Variants in SLC24A2 observed in about 807,000 individuals in gnomAD.
SLC24A2 encodes sodium/potassium/calcium exchanger 2.
Under a neutral mutation model 62.0 loss-of-function variants are expected in SLC24A2, and 36 were observed. That is an observed-to-expected ratio of 0.58 (90% confidence interval 0.44 to 0.77). SLC24A2 has a LOEUF of 0.77. SLC24A2 is among the 30% of genes least tolerant of loss of function. SLC24A2 has a pLI of 0.00. For missense variants in SLC24A2, 846 were observed against 817.9 expected, an observed-to-expected ratio of 1.03 and a Z score of -0.42; for synonymous variants, 358 against 294.0, an observed-to-expected ratio of 1.22 and a Z score of -2.23.
intron 4 of SLC24A2, among the ~76,000 whole-genome samples, chr9:19,612,342 G>A (rs569484103): frequency 1.3e-5 from 2 of 152,110 alleles, no homozygotes; most frequent in African/African-American, 2.4e-5. Flanking sequence ...ATTTGTTTTA[G>A]TTTCCTTTTT....
chr9:19,547,616 T>G (rs1454044174), intron 8 of SLC24A2, among the ~76,000 whole-genome samples: 1 of 148,138 alleles, frequency 6.8e-6, no homozygotes, highest in Non-Finnish European at 1.5e-5. Flanking sequence ...GTCAAGGGCC[T>G]TGACTTACTG....
chr9:19,750,394 C>G (rs1026209900), intron 2 of SLC24A2, among the ~76,000 whole-genome samples: 1 of 152,070 alleles, frequency 6.6e-6, no homozygotes, highest in Non-Finnish European at 1.5e-5. Flanking sequence ...CCCAACTCAA[C>G]TACAGATAGC....
the SLC24A2 span, among the ~76,000 whole-genome samples, chr9:20,012,347 G>A: frequency 6.6e-6 from 1 of 152,178 alleles, no homozygotes; most frequent in Non-Finnish European, 1.5e-5. Context: ...TAAACCATCA[G>A]ATCTCGTGAG....
chr9:20,024,939 T>C, the SLC24A2 span, among the ~76,000 whole-genome samples: 6 of 152,134 alleles, frequency 3.9e-5, no homozygotes, highest in Non-Finnish European at 1.5e-5. Flanking sequence ...CATCTGGTCA[T>C]CTTCTTGTTC....
chr9:20,217,560 A>G, the SLC24A2 span, among the ~76,000 whole-genome samples: 4 of 152,194 alleles, frequency 2.6e-5, no homozygotes, highest in Non-Finnish European at 5.9e-5. Flanking sequence ...CTTCCTAAAA[A>G]AAGCTTGGGG....
chr9:19,788,628 G>T (rs1225866455), intron 1 of SLC24A2: 18 of 985,414 alleles, frequency 1.8e-5, no homozygotes, highest in Non-Finnish European at 2.0e-5. Context: ...GCCCCTCTGC[G>T]CGTCTCCCCC....
the SLC24A2 span, among the ~76,000 whole-genome samples, chr9:19,905,130 G>C: frequency 6.6e-6 from 1 of 152,140 alleles, no homozygotes; most frequent in Non-Finnish European, 1.5e-5. Context: ...GCTTAGAGAG[G>C]TGTCATTCAG....
chr9:20,253,870 C>T, the SLC24A2 span, among the ~76,000 whole-genome samples: 1 of 152,104 alleles, frequency 6.6e-6, no homozygotes, highest in African/African-American at 2.4e-5. Context: ...CCGTTCTGGG[C>T]ACCGCAATTA....
chr9:19,552,305 C>T (rs556870646), intron 7 of SLC24A2, among the ~76,000 whole-genome samples: 1 of 152,268 alleles, frequency 6.6e-6, no homozygotes, highest in East Asian at 1.9e-4. Context: ...AAGGTGTCAG[C>T]TAGCTACGTG....
At chr9:19,874,185 T>TTC in the SLC24A2 span, among the ~76,000 whole-genome samples, 1 of 150,938 alleles carries the variant, frequency 6.6e-6, no homozygotes, top group Admixed American at 6.6e-5. Context: ...GTTTAAGCAA[T>TTC]TCTCTTGCCT....
intron 2 of SLC24A2, among the ~76,000 whole-genome samples, chr9:19,750,622 G>T (rs540969658): frequency 6.6e-6 from 1 of 152,152 alleles, no homozygotes; most frequent in Non-Finnish European, 1.5e-5. Context: ...TCTTTTCATC[G>T]ATATCTTTAT....
chr9:20,012,484 A>G, the SLC24A2 span, among the ~76,000 whole-genome samples: 1 of 152,214 alleles, frequency 6.6e-6, no homozygotes, highest in African/African-American at 2.4e-5. Flanking sequence ...CAGTCAAAAC[A>G]TATCACCCAC....
intron 4 of SLC24A2, among the ~76,000 whole-genome samples, chr9:19,603,004 G>T (rs1042223797): frequency 2.0e-5 from 3 of 151,998 alleles, no homozygotes; most frequent in Non-Finnish European, 4.4e-5. Flanking sequence ...GCTCTAGTTT[G>T]AAGGGAAAAA....
chr9:19,856,905 C>T, the SLC24A2 span, among the ~76,000 whole-genome samples: 1 of 152,194 alleles, frequency 6.6e-6, no homozygotes, highest in Non-Finnish European at 1.5e-5. Context: ...TCTTCAGAGC[C>T]AGCAGGCAGG....
intron 2 of SLC24A2, among the ~76,000 whole-genome samples, chr9:19,677,497 G>C (rs1261276935): frequency 6.6e-6 from 1 of 152,174 alleles, no homozygotes; most frequent in Non-Finnish European, 1.5e-5. Context: ...TTTAATACCT[G>C]GGTGATGAAA....
At chr9:20,262,921 C>G in the SLC24A2 span, among the ~76,000 whole-genome samples, 3 of 152,016 alleles carry the variant, frequency 2.0e-5, no homozygotes, top group African/African-American at 7.3e-5. Flanking sequence ...AGAACAGGAA[C>G]CATGGTGTTT....
the SLC24A2 span, among the ~76,000 whole-genome samples, chr9:20,103,224 C>A: frequency 3.3e-5 from 5 of 152,222 alleles, no homozygotes; most frequent in East Asian, 9.6e-4. Flanking sequence ...CCCACCACAG[C>A]TCAAGGAGGC....
the SLC24A2 span, among the ~76,000 whole-genome samples, chr9:20,257,077 C>G: frequency 1.3e-5 from 2 of 152,098 alleles, no homozygotes; most frequent in Non-Finnish European, 2.9e-5. Flanking sequence ...GCACTTTCAG[C>G]TCGTGTAAAT....
the SLC24A2 span, among the ~76,000 whole-genome samples, chr9:19,808,426 A>T: frequency 2.4e-3 from 360 of 152,328 alleles, 1 homozygote; most frequent in African/African-American, 8.3e-3. This position sits in a 1 kb window ranked among gnomAD's most constrained non-coding sequence, Gnocchi z 4.1. Flanking sequence ...ACAACAGTTA[A>T]CAAGTTTAAG....
Sources: gnomAD v4.1 joint callset for allele counts (sites outside exome capture counted in the v4.1 genomes callset) on GRCh38, gnomAD v4.1.1 for gene constraint, Gnocchi (gnomAD v3.1) non-coding constraint, MANE v1.5 for transcripts, NCBI Gene and HGNC (gene_info 2026-07-23, HGNC 2026-07-21) for gene names.